The following FOXP1 variants were observed in gnomAD, a reference collection of about 807,000 sequenced individuals.
The protein encoded by FOXP1 is forkhead box P1, also known as forkhead box protein P1.
A neutral mutation model predicts 98.2 loss-of-function variants in FOXP1; 15 were observed. The observed-to-expected ratio is 0.15, with a 90% CI of 0.10 to 0.24. FOXP1 has a LOEUF of 0.24. Among genes scored for constraint, FOXP1 ranks in the 10% least tolerant of loss-of-function variants. The probability of loss-of-function intolerance (pLI) is 1.00; values close to 1 mark genes in which losing one functional copy is unlikely to be tolerated. For missense variants in FOXP1, 633 were observed against 848.5 expected (o/e 0.75, Z 3.15); for synonymous variants, 371 against 314.5 (o/e 1.18, Z -1.90).
chr3:71,026,719 A>G (rs1023762888), intron 11 of FOXP1, among the ~76,000 whole-genome samples: 8 of 152,204 alleles, frequency 5.3e-5, no homozygotes, highest in Non-Finnish European at 8.8e-5. Flanking sequence ...AATCTCCCCT[A>G]TCTCCCCCCT....
chr3:71,105,435 G>T (rs945138780), intron 7 of FOXP1, among the ~76,000 whole-genome samples: 2 of 152,132 alleles, frequency 1.3e-5, no homozygotes, highest in African/African-American at 4.8e-5. Flanking sequence ...TGGAACTAAT[G>T]ACTCCAACCC....
At chr3:70,991,765 G>T (rs2040636771) in intron 13 of FOXP1, among the ~76,000 whole-genome samples, 1 of 152,118 alleles carries the variant, frequency 6.6e-6, no homozygotes, top group Admixed American at 6.5e-5. Flanking sequence ...TTTATAATTG[G>T]GGAAACTGAG....
chr3:71,042,362 C>T (rs1187164757), intron 10 of FOXP1, among the ~76,000 whole-genome samples: 1 of 152,124 alleles, frequency 6.6e-6, no homozygotes, highest in Non-Finnish European at 1.5e-5. Flanking sequence ...AGAAGAGATA[C>T]AATCAGTATG....
chr3:71,280,929 GA>G (rs1448955466), intron 5 of FOXP1, among the ~76,000 whole-genome samples: 1 of 148,592 alleles, frequency 6.7e-6, no homozygotes, highest in Non-Finnish European at 1.5e-5. Flanking sequence ...AACAAAGAGA[GA>G]AAACAGCTTG....
intron 4 of FOXP1, among the ~76,000 whole-genome samples, chr3:71,343,595 A>G (rs1327578076): frequency 1.9e-5 from 2 of 106,526 alleles, no homozygotes. Context: ...TCACTTTGTC[A>G]CCCAGGCTGG....
intron 5 of FOXP1, among the ~76,000 whole-genome samples, chr3:71,257,858 C>T (rs2068765893): frequency 1.3e-5 from 2 of 152,168 alleles, no homozygotes; most frequent in African/African-American, 4.8e-5. Context: ...AAACAAGACA[C>T]ATCATCTTTC....
At position 70,957,709 on chromosome 3, in the gene FOXP1, C is replaced by G. The variant is rs755861726; in HGVS notation, c.*1538G>C. On this transcript the variant is annotated 3_prime_UTR_variant, in exon 21 of 21. Coordinates refer to ENST00000649528, the MANE Select transcript of FOXP1 (RefSeq NM_001349338.3). ...TTTCTGCATACCATGTTTGGGACCC[C>G]CCCAAAGCCCAGGGCCTACATGATA... 10 of 233,386 alleles carry G rather than the reference C, an allele frequency of 4.3e-5. No individual in the cohort carries two copies. Among genetic ancestry groups the G allele is most frequent in the Non-Finnish European group, 6.8e-5 (8 of 118,046 alleles). 14.5% of individuals were successfully genotyped at this position (233,386 alleles called of 1,614,324 possible).
intron 3 of FOXP1, among the ~76,000 whole-genome samples, chr3:71,467,509 C>A (rs1389705996): frequency 6.6e-6 from 1 of 152,202 alleles, no homozygotes; most frequent in Non-Finnish European, 1.5e-5. Flanking sequence ...TATCCAGGGA[C>A]TTCCTCCTTA....
At chr3:71,197,861 G>T in intron 6 of FOXP1, 6 of 1,610,818 alleles carry the variant, frequency 3.7e-6, no homozygotes, top group Non-Finnish European at 5.1e-6. Context: ...TTTTATTTTT[G>T]CATGAAAGCA....
chr3:71,460,177 G>A (rs777199773), intron 3 of FOXP1, among the ~76,000 whole-genome samples: 2 of 151,646 alleles, frequency 1.3e-5, no homozygotes, highest in African/African-American at 4.8e-5. Flanking sequence ...CTCGTGATTC[G>A]TCCATCTTCT....
At chr3:71,516,332 T>A (rs982871080) in intron 2 of FOXP1, among the ~76,000 whole-genome samples, 1 of 151,930 alleles carries the variant, frequency 6.6e-6, no homozygotes. Flanking sequence ...GAAGGAGGGA[T>A]AGAAAAAGAA....
Position 71,198,195 on chromosome 3 carries a change from C to T in FOXP1, c.180+7G>A, listed in dbSNP as rs766240171. The T allele has an allele frequency of 2.5e-6, 4 of 1,614,126 alleles. No individual in the cohort carries two copies. The highest frequency in any genetic ancestry group is 3.4e-6 in the Non-Finnish European group (4 of 1,180,044). On this transcript the variant is annotated splice_region_variant and intron_variant, in intron 6 of 20. Coordinates refer to ENST00000649528, the MANE Select transcript of FOXP1 (RefSeq NM_001349338.3). ...CCTCCACCTCCCAAGACTCCAAAGCCCAGTACCTGTTGCTGCTGCTGCTGG... is the reference window on the plus strand; with the variant it reads ...CCTCCACCTCCCAAGACTCCAAAGCTCAGTACCTGTTGCTGCTGCTGCTGG...
chr3:71,235,428 C>T lies in FOXP1; in HGVS notation c.-11-37036G>A, dbSNP rs145041834. 4.9e-4 allele frequency among the ~76,000 whole-genome samples: 74 copies of T among 152,314 alleles called. 1 individual carries two copies. The highest frequency in any genetic ancestry group is 1.6e-3 in the African/African-American group (67 of 41,574). On this transcript the variant is annotated intron_variant, in intron 5 of 20. Transcript: ENST00000649528. ...TGATTTGGCAACCATTGAATCTTGACATCTTCGGTTGAAGCTATGACATTT... is the reference window on the plus strand; with the variant it reads ...TGATTTGGCAACCATTGAATCTTGATATCTTCGGTTGAAGCTATGACATTT...
rs555540422 is a variant in FOXP1, at chr3:70,986,556, T to C, written c.1146+1438A>G. 5.3e-5 allele frequency among the ~76,000 whole-genome samples: 8 copies of C among 152,372 alleles called. No homozygotes were observed. The South Asian group carries it at 8.3e-4, about 16-fold the overall frequency. On this transcript the variant is annotated intron_variant, in intron 14 of 20. Coordinates refer to ENST00000649528, the MANE Select transcript of FOXP1 (RefSeq NM_001349338.3). ...CCAAGGCAGTGAATGCCCTGTGCAA[T>C]TGGCTATGCTTCTTCGAGATGACTT...
intron 2 of FOXP1, among the ~76,000 whole-genome samples, chr3:71,529,447 G>C (rs1301389885): frequency 6.6e-6 from 1 of 152,210 alleles, no homozygotes; most frequent in Admixed American, 6.5e-5. Context: ...AAACCCCAAA[G>C]TGATAATTGT....
chr3:71,486,702 C>G (rs902027458), intron 3 of FOXP1, among the ~76,000 whole-genome samples: 3 of 152,162 alleles, frequency 2.0e-5, no homozygotes, highest in Admixed American at 6.5e-5. Context: ...AAAATGACGG[C>G]AATTCTCAAC....
chr3:70,993,104 C>G lies in FOXP1; in HGVS notation c.1063-5027G>C, dbSNP rs992744655. ...ATTACAAATAGCACCACTAATGGTA[C>G]AGTAATCACATGTAAAGTTCGTACG... is the stretch of plus-strand genomic sequence containing the variant. On this transcript the variant is annotated intron_variant, in intron 13 of 20. Coordinates refer to ENST00000649528, the MANE Select transcript of FOXP1 (RefSeq NM_001349338.3). 2.0e-5 allele frequency among the ~76,000 whole-genome samples: 3 copies of G among 152,148 alleles called. No homozygotes were observed. In the South Asian group the frequency reaches 6.2e-4, roughly 31 times the overall value.
intron 5 of FOXP1, among the ~76,000 whole-genome samples, chr3:71,255,272 T>G (rs1348061993): frequency 6.6e-6 from 1 of 152,156 alleles, no homozygotes; most frequent in East Asian, 1.9e-4. Flanking sequence ...GGTCAGAATA[T>G]AATAGCCCGT....
chr3:71,328,414 A>ATCCTGCCATCAAAATATCATTGCTTGC (rs1197888864), intron 4 of FOXP1, among the ~76,000 whole-genome samples: 5 of 152,244 alleles, frequency 3.3e-5, no homozygotes, highest in African/African-American at 1.2e-4. Flanking sequence ...AAGTGGGTTG[A>ATCCTGCCATCAAAATATCATTGCTTGC]TCCTGCCATC....
Sources: allele counts gnomAD v4.1 joint callset (sites outside exome capture counted in the v4.1 genomes callset), GRCh38; gene constraint gnomAD v4.1.1; transcripts MANE v1.5; gene names NCBI Gene and HGNC (gene_info 2026-07-23, HGNC 2026-07-21).